FAM178B: variants seen among roughly 807,000 people sequenced by gnomAD.
The protein encoded by FAM178B is family with sequence similarity 178 member B.
A neutral mutation model predicts 91.7 loss-of-function variants in FAM178B; 82 were observed. The ratio of observed to expected loss-of-function variants is 0.89; its 90% CI spans 0.75 to 1.07. FAM178B has a LOEUF of 1.07. Ranked by LOEUF, FAM178B falls within the 50% of genes least tolerant of loss-of-function variation. The pLI is 0.00. For synonymous variants in FAM178B, 368 were observed against 359.4 expected (o/e 1.02, Z -0.27); for missense variants, 769 against 846.7 (o/e 0.91, Z 1.14).
At chr2:96,904,541 A>ATTTTTTTT (rs11284849) in intron 12 of FAM178B, among the ~76,000 whole-genome samples, 1,208 of 96,454 alleles carry the variant, frequency 0.013, no homozygotes, top group African/African-American at 0.044. Context: ...ATGCCTGGCT[A>ATTTTTTTT]TTTTTTTTTT....
At chr2:96,951,221 C>T (rs988236144) in intron 7 of FAM178B, among the ~76,000 whole-genome samples, 158 bp downstream of exon 7, 2 of 152,144 alleles carry the variant, frequency 1.3e-5, no homozygotes, top group Non-Finnish European at 2.9e-5. Flanking sequence ...TTGTGGGGAT[C>T]GATGCCCAAT....
Position 96,877,872 on chromosome 2 carries a change from G to T in FAM178B, c.2007+18C>A. 6.2e-7 allele frequency: 1 copy of T among 1,610,640 alleles called. No homozygotes were observed. Among genetic ancestry groups the T allele is most frequent in the Non-Finnish European group, 8.5e-7 (1 of 1,179,632 alleles). On this transcript the variant is annotated intron_variant, in intron 16 of 16. Transcript: ENST00000490605. ...ACTTCCCGCCCCTCCCAGGTCTGGG[G>T]GCTAGAGGGGGCACCACCTGGGGCT...
At chr2:96,899,535 A>G (rs1251587498) in intron 13 of FAM178B, among the ~76,000 whole-genome samples, 2 of 151,950 alleles carry the variant, frequency 1.3e-5, no homozygotes, top group Non-Finnish European at 2.9e-5. Context: ...AGGATCTCTC[A>G]AGGGGAGGCA....
At chr2:96,981,695 GGCGC>G in intron 1 of FAM178B, among the ~76,000 whole-genome samples, 1 of 142,706 alleles carries the variant, frequency 7.0e-6, no homozygotes, top group African/African-American at 2.8e-5. Flanking sequence ...GAGCCGAGAT[GGCGC>G]CACTGCACTA....
chr2:96,952,187 A>G (rs1730131), intron 6 of FAM178B, among the ~76,000 whole-genome samples: 118,347 of 152,112 alleles, frequency 0.78, 47,319 homozygotes, highest in African/African-American at 0.88. Context: ...GATTACCCCC[A>G]CGAGGCCAGC....
At chr2:96,932,175 C>T (rs562090015) in intron 8 of FAM178B, among the ~76,000 whole-genome samples, 8 of 152,254 alleles carry the variant, frequency 5.3e-5, no homozygotes, top group Non-Finnish European at 1.2e-4. Flanking sequence ...CTTGAGATCC[C>T]CACCCCAGCC....
At chr2:96,956,559 AAGG>A (rs1333405747) in intron 6 of FAM178B, 2 of 152,256 alleles carry the variant, frequency 1.3e-5, no homozygotes, top group African/African-American at 4.8e-5. Flanking sequence ...ACAGAAAGGT[AAGG>A]AGAAGTGAAT....
At chr2:96,923,739 A>G (rs2081386483) in intron 9 of FAM178B, among the ~76,000 whole-genome samples, 156 bp from the exon 10 acceptor site, 1 of 152,224 alleles carries the variant, frequency 6.6e-6, no homozygotes, top group Admixed American at 6.5e-5. Flanking sequence ...TCTGAGGGCC[A>G]AGAATCCAGG....
intron 1 of FAM178B, among the ~76,000 whole-genome samples, chr2:96,977,359 T>C (rs1490112043): frequency 1.7e-5 from 2 of 121,146 alleles, no homozygotes; most frequent in African/African-American, 6.5e-5. Context: ...CACTCTGGCC[T>C]GGGCGACAGA....
In FAM178B at chr2:96,960,417, ACT is replaced by A. The variant is rs1203735905; in HGVS notation, c.756_757del (p.Ser254ProfsTer11). The A allele has an allele frequency of 1.3e-6, 2 of 1,548,702 alleles. No homozygotes were observed. Among genetic ancestry groups the A allele is most frequent in the African/African-American group, 2.7e-5 (2 of 73,010 alleles). On this transcript the variant is annotated frameshift_variant, in exon 6 of 17. Transcript: ENST00000490605. LOFTEE classifies it high-confidence loss of function. Reference sequence around the variant, plus strand: ...GACCGGCGGGATGGTCTGCAGGGACACTGAGTACTTTTCCACCAGCATCCTGG... The same window carrying A: ...GACCGGCGGGATGGTCTGCAGGGACAGAGTACTTTTCCACCAGCATCCTGG...
chr2:96,955,115 C>T (rs1218202478), intron 6 of FAM178B, among the ~76,000 whole-genome samples: 1 of 152,212 alleles, frequency 6.6e-6, no homozygotes, highest in Non-Finnish European at 1.5e-5. Context: ...CCTGTAATCC[C>T]AGCACTTTGG....
intron 14 of FAM178B, among the ~76,000 whole-genome samples, chr2:96,892,175 G>C (rs2080698834): frequency 6.6e-6 from 1 of 152,282 alleles, no homozygotes; most frequent in East Asian, 1.9e-4. Context: ...TGCCCCACCT[G>C]GCCCCTCCCA....
At chr2:96,929,470 C>CAACT in intron 8 of FAM178B, 150 bp from the exon 9 acceptor site, 1 of 644,736 alleles carries the variant, frequency 1.6e-6, no homozygotes, top group East Asian at 2.9e-5. Flanking sequence ...GGAAATGAAG[C>CAACT]AACTGGTGGT....
chr2:96,944,060 T>C (rs1189672323), intron 8 of FAM178B, among the ~76,000 whole-genome samples: 2 of 151,914 alleles, frequency 1.3e-5, no homozygotes, highest in African/African-American at 4.8e-5. Context: ...CTGGCCAACA[T>C]GGTGAAACCC....
At chr2:96,913,681 G>A (rs1345724208) in intron 12 of FAM178B, among the ~76,000 whole-genome samples, 1 of 152,216 alleles carries the variant, frequency 6.6e-6, no homozygotes, top group Non-Finnish European at 1.5e-5. Flanking sequence ...CACAGAACCT[G>A]CTTGGCTGGC....
chr2:96,944,452 G>A (rs2081787812), intron 8 of FAM178B, among the ~76,000 whole-genome samples: 1 of 152,090 alleles, frequency 6.6e-6, no homozygotes. Flanking sequence ...AAAAAGAGGG[G>A]AAAGTATGAG....
chr2:96,905,504 C>G (rs2081012613), intron 12 of FAM178B, among the ~76,000 whole-genome samples: 1 of 142,860 alleles, frequency 7.0e-6, no homozygotes, highest in Non-Finnish European at 1.5e-5. Context: ...TTGCAGTGAG[C>G]AGAGATCACA....
intron 12 of FAM178B, among the ~76,000 whole-genome samples, chr2:96,919,422 A>G (rs947944593): frequency 6.6e-5 from 10 of 152,212 alleles, no homozygotes; most frequent in African/African-American, 2.2e-4. Flanking sequence ...GAAGAGGAAG[A>G]AATGCCTCTG....
intron 6 of FAM178B, among the ~76,000 whole-genome samples, chr2:96,959,016 T>C (rs1366278469): frequency 2.6e-5 from 4 of 151,640 alleles, no homozygotes; most frequent in Non-Finnish European, 4.4e-5. Flanking sequence ...CTGACCAACA[T>C]GGTGAAACCC....
Sources: allele counts gnomAD v4.1 joint callset (sites outside exome capture counted in the v4.1 genomes callset), GRCh38; gene constraint gnomAD v4.1.1; transcripts MANE v1.5; gene names NCBI Gene and HGNC (gene_info 2026-07-23, HGNC 2026-07-21).